Variants in ADGRB2 observed in about 807,000 individuals in gnomAD.
The protein encoded by ADGRB2 is adhesion G protein-coupled receptor B2, also known as brain-specific angiogenesis inhibitor 2.
A neutral mutation model predicts 178.7 loss-of-function variants in ADGRB2; 47 were observed. The observed-to-expected ratio is 0.26, with a 90% CI of 0.21 to 0.34. The LOEUF is 0.34. Among genes scored for constraint, ADGRB2 ranks in the 10% least tolerant of loss-of-function variants. The pLI, the probability that ADGRB2 is intolerant of heterozygous loss-of-function variation, is 1.00. For synonymous variants in ADGRB2, 870 were observed against 912.4 expected (o/e 0.95, Z 0.84); for missense variants, 1,584 against 2,180.8 (o/e 0.73, Z 5.45).
In ADGRB2 at chr1:31,728,129, C is replaced by A. The variant is rs200174725; in HGVS notation, c.4516-48G>T. 6.2e-7 allele frequency: 1 copy of A among 1,613,454 alleles called. No individual in the cohort carries two copies. The highest frequency in any genetic ancestry group is 8.5e-7 in the Non-Finnish European group (1 of 1,179,812). ...GGCTCCAACCCCAGGGGCCACTGCA[C>A]CAGGTCAGGCCCTGAGCTTCAGGGC... is the stretch of plus-strand genomic sequence containing the variant. On this transcript the variant is annotated intron_variant, in intron 31 of 32. Coordinates refer to ENST00000373658, the MANE Select transcript of ADGRB2 (RefSeq NM_001364857.2). This position sits in a 1 kb window ranked among gnomAD's most constrained non-coding sequence, Gnocchi z 6.7.
chr1:31,759,753 G>T lies in ADGRB2; in HGVS notation c.-190-2242C>A, dbSNP rs570096682. ...CCACTGGTTCATTGAAGACCCTCCT[G>T]CCTGTGTATAGCCAGGCCTGTCCTC... On this transcript the variant is annotated intron_variant, in intron 1 of 32. Transcript: ENST00000373658. The surrounding 1 kb of genome is among the most constrained non-coding windows in gnomAD (Gnocchi z 4.3). Among the ~76,000 whole-genome samples the T allele has an allele frequency of 6.6e-6, 1 of 152,282 alleles. No homozygotes were observed. The highest frequency in any genetic ancestry group is 2.1e-4 in the South Asian group (1 of 4,820).
At position 31,735,565 on chromosome 1, in the gene ADGRB2, A is replaced by C. The variant is rs754603314; in HGVS notation, c.3353+15T>G. On this transcript the variant is annotated intron_variant, in intron 24 of 32. Transcript: ENST00000373658. The surrounding 1 kb of genome is among the most constrained non-coding windows in gnomAD (Gnocchi z 6.0). ...CATTTCCAGAAAGGCCAAGTCTCAG[A>C]GGCCCCCCCCTTACCCGGCCCTCTG... The C allele has an allele frequency of 6.2e-7, 1 of 1,613,016 alleles. No homozygotes were observed. The highest frequency in any genetic ancestry group is 8.5e-7 in the Non-Finnish European group (1 of 1,179,066).
At chr1:31,734,478 G>C (rs1242027485) in intron 25 of ADGRB2, among the ~76,000 whole-genome samples, 1 of 152,236 alleles carries the variant, frequency 6.6e-6, no homozygotes, top group Non-Finnish European at 1.5e-5. Context: ...GACGGTGCCA[G>C]CTGCCTCCAG....
rs916088949 is a variant in ADGRB2, at chr1:31,735,585, C to T, written c.3348G>A (p.Arg1116=). Residue 1116 remains arginine, a synonymous_variant, in exon 24 of 33, where the codon AGG becomes AGA. Coordinates refer to ENST00000373658, the MANE Select transcript of ADGRB2 (RefSeq NM_001364857.2). This position sits in a 1 kb window ranked among gnomAD's most constrained non-coding sequence, Gnocchi z 6.0. ...DGISDKSKKQ[R]AGSERCPWAS... The stretch of plus-strand genomic sequence containing the variant: ...CTCAGAGGCCCCCCCCTTACCCGGC[C>T]CTCTGCTTCTTGGATTTGTCGGAGA... 6.8e-6 allele frequency: 11 copies of T among 1,613,880 alleles called. No homozygotes were observed. The highest frequency in any genetic ancestry group is 9.3e-6 in the Non-Finnish European group (11 of 1,179,896).
chr1:31,737,610 G>GC (rs751348549), intron 19 of ADGRB2, 42 bp downstream of exon 19: 139 of 1,610,258 alleles, frequency 8.6e-5, no homozygotes, highest in African/African-American at 3.3e-4. Flanking sequence ...TTCTGCGCCT[G>GC]CCCCCCCTCC....
intron 1 of ADGRB2, among the ~76,000 whole-genome samples, chr1:31,762,411 G>A (rs142447285): frequency 1.3e-5 from 2 of 152,244 alleles, no homozygotes; most frequent in East Asian, 3.9e-4. Flanking sequence ...CCGACTCCAT[G>A]CGCAAGCCAG....
intron 1 of ADGRB2, 120 bp from the exon 2 acceptor site, chr1:31,757,631 G>A (rs1646903810): frequency 4.5e-6 from 1 of 223,988 alleles, no homozygotes; most frequent in African/African-American, 2.3e-5. Flanking sequence ...CTGTAAAATG[G>A]GTGCAGAAAT....
At position 31,759,403 on chromosome 1, in the gene ADGRB2, T is replaced by G; in HGVS notation, c.-190-1892A>C. 1 of 779,314 alleles carries G rather than the reference T, an allele frequency of 1.3e-6. No individual in the cohort carries two copies. Among genetic ancestry groups the G allele is most frequent in the Non-Finnish European group, 2.4e-6 (1 of 417,706 alleles). 48.3% of individuals were successfully genotyped at this position (779,314 alleles called of 1,614,324 possible). On this transcript the variant is annotated intron_variant, in intron 1 of 32. Transcript: ENST00000373658. This position sits in a 1 kb window ranked among gnomAD's most constrained non-coding sequence, Gnocchi z 4.3. Reference sequence around the variant, plus strand: ...TCTGCGGGGTCTTCCTTTGCATGTCTGAAGCTGGATCTCCCTCCCCTACCC... The same window carrying G: ...TCTGCGGGGTCTTCCTTTGCATGTCGGAAGCTGGATCTCCCTCCCCTACCC...
intron 18 of ADGRB2, among the ~76,000 whole-genome samples, chr1:31,737,991 A>G (rs1645718589): frequency 6.6e-6 from 1 of 152,154 alleles, no homozygotes; most frequent in East Asian, 1.9e-4. Flanking sequence ...ACACACACAC[A>G]CACAACTGGC....
intron 15 of ADGRB2, 82 bp from the exon 16 acceptor site, chr1:31,739,019 T>A: frequency 1.6e-6 from 2 of 1,266,552 alleles, no homozygotes; most frequent in Non-Finnish European, 2.2e-6. Context: ...TGGATGGGTG[T>A]GCAGAGGCTT....
chr1:31,759,444 G>C lies in ADGRB2; in HGVS notation c.-190-1933C>G. The C allele has an allele frequency of 1.3e-6, 1 of 769,934 alleles. No individual in the cohort carries two copies. Among genetic ancestry groups the C allele is most frequent in the South Asian group, 1.4e-5 (1 of 73,518 alleles). The allele number at this position is 769,934 out of a possible 1,614,324, so 47.7% of individuals were successfully genotyped here. On this transcript the variant is annotated intron_variant, in intron 1 of 32. Transcript: ENST00000373658. The surrounding 1 kb of genome is among the most constrained non-coding windows in gnomAD (Gnocchi z 4.3). ...TCCCCTACCCTGCTCCTAGGCTGCTGCTCCCTACTCCACAGCCCCGCCCCA... is the reference window on the plus strand; with the variant it reads ...TCCCCTACCCTGCTCCTAGGCTGCTCCTCCCTACTCCACAGCCCCGCCCCA...
At chr1:31,738,515 G>A (rs1645751211) in intron 17 of ADGRB2, 72 bp downstream of exon 17, 2 of 1,554,862 alleles carry the variant, frequency 1.3e-6, no homozygotes, top group Non-Finnish European at 1.7e-6. Flanking sequence ...TGCCTTTTAG[G>A]CAGGAGACCC....
intron 15 of ADGRB2, 47 bp downstream of exon 15, chr1:31,739,261 C>G: frequency 7.0e-7 from 1 of 1,434,296 alleles, no homozygotes; most frequent in South Asian, 1.5e-5. Context: ...CTTACCTGGG[C>G]CTTCCTGGAC....
intron 26 of ADGRB2, 77 bp downstream of exon 26, chr1:31,732,895 C>T (rs1414232812): frequency 1.7e-5 from 26 of 1,488,562 alleles, no homozygotes; most frequent in Middle Eastern, 2.2e-4. Context: ...TCGATCCTCC[C>T]GGTCTGCACA....
chr1:31,741,519 A>C lies in ADGRB2; in HGVS notation c.1688-40T>G. On this transcript the variant is annotated intron_variant, in intron 10 of 32. Transcript: ENST00000373658. This position sits in a 1 kb window ranked among gnomAD's most constrained non-coding sequence, Gnocchi z 6.5. The stretch of plus-strand genomic sequence containing the variant: ...GACAGAGGTCTGGGCATGGGGGCCG[A>C]GCTCTCACCCACACTCCTCCGTATC... 1.3e-6 allele frequency: 2 copies of C among 1,581,918 alleles called. No homozygotes were observed. The highest frequency in any genetic ancestry group is 1.1e-5 in the South Asian group (1 of 87,908).
At position 31,727,743 on chromosome 1, in the gene ADGRB2, T is replaced by A; in HGVS notation, c.4573-138A>T. ...AATCAGGTGTCAAGCAGAATTCAAA[T>A]ACAGACCTGCCTGGTTCCAGGGTGG... On this transcript the variant is annotated intron_variant, in intron 32 of 32. Transcript: ENST00000373658. The surrounding 1 kb of genome is among the most constrained non-coding windows in gnomAD (Gnocchi z 4.4). 1 of 1,032,016 alleles carries A rather than the reference T, an allele frequency of 9.7e-7. No individual in the cohort carries two copies. The highest frequency in any genetic ancestry group is 1.4e-6 in the Non-Finnish European group (1 of 737,566). The allele number at this position is 1,032,016 out of a possible 1,614,324, so 63.9% of individuals were successfully genotyped here.
At position 31,727,688 on chromosome 1, in the gene ADGRB2, G is replaced by T. The variant is rs922831564; in HGVS notation, c.4573-83C>A. The T allele has an allele frequency of 8.0e-6, 11 of 1,367,084 alleles. No individual in the cohort carries two copies. Among genetic ancestry groups the T allele is most frequent in the Non-Finnish European group, 1.1e-5 (11 of 1,042,084 alleles). The allele number at this position is 1,367,084 out of a possible 1,614,324, so 84.7% of individuals were successfully genotyped here. A position where few individuals can be genotyped will look rare whatever the true frequency, so the allele number is the denominator to read the frequency against. ...GACGATCAAACTGAGGAGTCCCAGA[G>T]AGGGCTGGTAATGCCCAAAGTTATG... On this transcript the variant is annotated intron_variant, in intron 32 of 32. Transcript: ENST00000373658. This position sits in a 1 kb window ranked among gnomAD's most constrained non-coding sequence, Gnocchi z 4.4.
chr1:31,732,672 G>A (rs923483847), intron 26 of ADGRB2, 60 bp from the exon 27 acceptor site: 13 of 1,563,560 alleles, frequency 8.3e-6, no homozygotes, highest in Admixed American at 1.8e-5. Flanking sequence ...ACCACAGATG[G>A]CTGTGCTTCC....
rs767313611 is a variant in ADGRB2, at chr1:31,740,079, G to A, written c.2058+31C>T. ...AAGGGTCCAAGGCAGGGTGGGTCAC[G>A]GGAGGAGAAGCTGGCAGCTGTGCCC... is the stretch of plus-strand genomic sequence containing the variant. On this transcript the variant is annotated intron_variant, in intron 13 of 32. Transcript: ENST00000373658. This position sits in a 1 kb window ranked among gnomAD's most constrained non-coding sequence, Gnocchi z 5.9. The A allele has an allele frequency of 1.5e-5, 24 of 1,614,030 alleles. No individual in the cohort carries two copies. Among genetic ancestry groups the A allele is most frequent in the South Asian group, 3.3e-5 (3 of 91,090 alleles).
Sources: allele counts gnomAD v4.1 joint callset (sites outside exome capture counted in the v4.1 genomes callset), GRCh38; gene constraint gnomAD v4.1.1; non-coding constraint Gnocchi (gnomAD v3.1); transcripts MANE v1.5; gene names NCBI Gene and HGNC (gene_info 2026-07-23, HGNC 2026-07-21).